SSC4D: variants seen among roughly 807,000 people sequenced by gnomAD.
SSC4D encodes the protein scavenger receptor cysteine rich family member with 4 domains, also known as scavenger receptor cysteine-rich domain-containing group B protein.
A neutral mutation model predicts 63.4 loss-of-function variants in SSC4D; 57 were observed. The observed-to-expected ratio is 0.90, with a 90% CI of 0.73 to 1.12. The LOEUF is 1.12. SSC4D is among the 50% of genes most tolerant of loss of function. The probability of loss-of-function intolerance (pLI) is 0.00; values close to 1 mark genes in which losing one functional copy is unlikely to be tolerated. For synonymous variants in SSC4D, 352 were observed against 345.4 expected, an observed-to-expected ratio of 1.02 and a Z score of -0.21; for missense variants, 791 against 806.4, an observed-to-expected ratio of 0.98 and a Z score of 0.23.
chr7:76,401,364 C>T (rs1804823961), intron 2 of SSC4D, among the ~76,000 whole-genome samples: 1 of 152,148 alleles, frequency 6.6e-6, no homozygotes, highest in African/African-American at 2.4e-5. Flanking sequence ...TGAGCTTTCA[C>T]TACAAAACCT....
At position 76,400,368 on chromosome 7, in the gene SSC4D, T is replaced by C. The variant is rs1384612702; in HGVS notation, c.393A>G (p.Glu131=). The C allele has an allele frequency of 2.5e-6, 4 of 1,586,818 alleles. No homozygotes were observed. The highest frequency in any genetic ancestry group is 3.4e-6 in the Non-Finnish European group (4 of 1,163,080). Residue 131 remains glutamate (E), a synonymous_variant, in exon 4 of 11, where the codon GAA becomes GAG. Coordinates refer to ENST00000275560, the MANE Select transcript of SSC4D (RefSeq NM_080744.2). ...LLDNVECRGQ[E]AALSECGSRG... ...GGCTGCCGCACTCGCTCAGCGCAGC[T>C]TCCTGCCCGCGGCACTCCACGTTGT...
chr7:76,394,487 T>C (rs1286672529), intron 7 of SSC4D, among the ~76,000 whole-genome samples: 2 of 151,782 alleles, frequency 1.3e-5, no homozygotes, highest in African/African-American at 4.8e-5. Context: ...CTCAGCTCTT[T>C]GCAACCTCTG....
chr7:76,400,971 C>T (rs2115784373), intron 3 of SSC4D, 37 bp downstream of exon 3: 3 of 1,550,912 alleles, frequency 1.9e-6, no homozygotes, highest in Non-Finnish European at 2.6e-6. Flanking sequence ...ACCTGGCGGA[C>T]AGGTGAGGGT....
chr7:76,405,339 C>CTTTCTTTCTTTCTTTCTTTCTTTT (rs1271510975), intron 1 of SSC4D, among the ~76,000 whole-genome samples: 1 of 21,394 alleles, frequency 4.7e-5, no homozygotes, highest in Admixed American at 6.1e-4. Context: ...TTCTTTCTTT[C>CTTTCTTTCTTTCTTTCTTTCTTTT]TTTTTTTTTT....
chr7:76,395,149 C>T, intron 7 of SSC4D, 104 bp downstream of exon 7: 1 of 1,337,032 alleles, frequency 7.5e-7, no homozygotes, highest in South Asian at 1.2e-5. Context: ...AAGCCCTGGC[C>T]TGTTAGCCAG....
chr7:76,403,996 T>C (rs1474008575), intron 2 of SSC4D, among the ~76,000 whole-genome samples: 1 of 152,098 alleles, frequency 6.6e-6, no homozygotes, highest in African/African-American at 2.4e-5. Context: ...CTAGGTCATT[T>C]GATTTCATCT....
rs774020638 is a variant in SSC4D, at chr7:76,397,663, G to A, written c.723C>T (p.Asn241=). The part of the protein sequence containing the change: ...GCGAAMAATT[N]AFFGYGTGHI... ...GTCCGGTGCCATAGCCGAAGAAGGC[G>A]TTGGTGGTGGCGGCCATGGCCGCCC... The change falls in exon 6 of 11, where the codon AAC becomes AAT. Residue 241 remains asparagine (N), a synonymous_variant. Transcript: ENST00000275560. 2 of 1,613,756 alleles carry A rather than the reference G, an allele frequency of 1.2e-6. No homozygotes were observed. The highest frequency in any genetic ancestry group is 1.7e-6 in the Non-Finnish European group (2 of 1,179,880).
intron 9 of SSC4D, among the ~76,000 whole-genome samples, chr7:76,393,202 A>T: frequency 6.6e-6 from 1 of 151,508 alleles, no homozygotes; most frequent in East Asian, 2.0e-4. Context: ...CCCATTTTCC[A>T]CTGCAGAAGG....
At chr7:76,391,173 C>T (rs960214940) in intron 10 of SSC4D, among the ~76,000 whole-genome samples, 1 of 151,418 alleles carries the variant, frequency 6.6e-6, no homozygotes, top group Admixed American at 6.6e-5. Flanking sequence ...GTGGCTCATG[C>T]CTATAATCAC....
At position 76,389,840 on chromosome 7, in the gene SSC4D, G is replaced by C. The variant is rs1056187856; in HGVS notation, c.*219C>G. On this transcript the variant is annotated 3_prime_UTR_variant, in exon 11 of 11. Transcript: ENST00000275560. ...AAACCACAGGAGCTTTCACTGAATT[G>C]GGCTCACAACAGTCGATGACAGGCT... is the stretch of plus-strand genomic sequence containing the variant. The C allele has an allele frequency of 1.7e-6, 1 of 598,632 alleles. No homozygotes were observed. Among genetic ancestry groups the C allele is most frequent in the African/African-American group, 1.9e-5 (1 of 53,842 alleles). 37.1% of individuals were successfully genotyped at this position (598,632 alleles called of 1,614,324 possible).
At chr7:76,399,740 T>C (rs1804754186) in intron 4 of SSC4D, among the ~76,000 whole-genome samples, 1 of 152,090 alleles carries the variant, frequency 6.6e-6, no homozygotes, top group South Asian at 2.1e-4. Flanking sequence ...CCCAAGATGG[T>C]CTCAAACTCC....
chr7:76,393,458 C>A lies in SSC4D; in HGVS notation c.1280G>T (p.Gly427Val). 1 of 1,539,426 alleles carries A rather than the reference C, an allele frequency of 6.5e-7. No homozygotes were observed. The highest frequency in any genetic ancestry group is 8.7e-7 in the Non-Finnish European group (1 of 1,151,538). ...GTGGCCGCAGTTGTGCTGGCCCCAG[C>A]CCAGGTGGAAGCAGTCGCTCAGGCG... ...EARLSDCFHL[G>V]WGQHNCGHHE... Residue 427 changes from glycine to valine, a missense_variant, in exon 9 of 11, where the codon GGC becomes GTC. Gly to Val is a moderately radical substitution (Grantham distance 109). Coordinates refer to ENST00000275560, the MANE Select transcript of SSC4D (RefSeq NM_080744.2).
At chr7:76,405,136 A>G (rs9692598) in intron 1 of SSC4D, among the ~76,000 whole-genome samples, 83,826 of 142,094 alleles carry the variant, frequency 0.59, 26,010 homozygotes, top group African/African-American at 0.77. Context: ...ACAGAGTCTC[A>G]CTCTGTGGCC....
intron 6 of SSC4D, 135 bp from the exon 7 acceptor site, chr7:76,395,465 C>G (rs563985532): frequency 4.8e-6 from 4 of 839,936 alleles, no homozygotes; most frequent in Non-Finnish European, 5.6e-6. Flanking sequence ...GTGGCCCAGC[C>G]GCAGCGGGGT....
Position 76,406,477 on chromosome 7 carries a change from G to T in SSC4D, c.-66-1972C>A, listed in dbSNP as rs1169710496. On this transcript the variant is annotated intron_variant, in intron 1 of 10. Transcript: ENST00000275560. ...ATTAATTAATTTTTTTTACTTTAAA[G>T]AATTTTTTTATTTTTTATTTTTTAC... 4.0e-5 allele frequency among the ~76,000 whole-genome samples: 6 copies of T among 151,632 alleles called. No individual in the cohort carries two copies. The East Asian group carries it at 5.8e-4, about 15-fold the overall frequency.
At chr7:76,396,532 G>A (rs199940087) in intron 6 of SSC4D, among the ~76,000 whole-genome samples, 234 of 152,292 alleles carry the variant, frequency 1.5e-3, no homozygotes, top group African/African-American at 5.3e-3. Flanking sequence ...GCATTGCCGC[G>A]TCAATGAAAG....
chr7:76,397,379 G>C, intron 6 of SSC4D, 139 bp downstream of exon 6: 1 of 1,087,826 alleles, frequency 9.2e-7, no homozygotes, highest in Non-Finnish European at 1.3e-6. Flanking sequence ...TTTGGATGCT[G>C]CCTGGAGAGC....
At position 76,393,518 on chromosome 7, in the gene SSC4D, A is replaced by G; in HGVS notation, c.1220T>C (p.Leu407Pro). Residue 407 changes from leucine (L) to proline (P), a missense_variant, in exon 9 of 11, where the codon CTG becomes CCG. Leu to Pro is a moderately conservative substitution (Grantham distance 98, BLOSUM62 -3). Coordinates refer to ENST00000275560, the MANE Select transcript of SSC4D (RefSeq NM_080744.2). ...GCCGGCGCAGCCCACGTTGTCCAGCAGCACGGGGCCGCGGCCGTAGCCGAA... is the reference window on the plus strand; with the variant it reads ...GCCGGCGCAGCCCACGTTGTCCAGCGGCACGGGGCCGCGGCCGTAGCCGAA... ...GHFGYGRGPVLLDNVGCAGTE... is the reference protein window; with the variant it reads ...GHFGYGRGPVPLDNVGCAGTE... The G allele has an allele frequency of 1.3e-6, 2 of 1,525,180 alleles. No homozygotes were observed. The highest frequency in any genetic ancestry group is 1.7e-6 in the Non-Finnish European group (2 of 1,143,158). 94.5% of individuals were successfully genotyped at this position (1,525,180 alleles called of 1,614,324 possible). A position where few individuals can be genotyped will look rare whatever the true frequency, so the allele number is the denominator to read the frequency against.
At chr7:76,392,364 A>C (rs565559988) in intron 9 of SSC4D, among the ~76,000 whole-genome samples, 4 of 152,242 alleles carry the variant, frequency 2.6e-5, no homozygotes, top group African/African-American at 9.6e-5. Context: ...AGCCTGGCCA[A>C]CATGGTGAAA....
Sources: gnomAD v4.1 joint callset for allele counts (sites outside exome capture counted in the v4.1 genomes callset) on GRCh38, gnomAD v4.1.1 for gene constraint, MANE v1.5 for transcripts, NCBI Gene and HGNC (gene_info 2026-07-23, HGNC 2026-07-21) for gene names.